SPPL3: variants seen among roughly 807,000 people sequenced by gnomAD.
The protein encoded by SPPL3 is signal peptide peptidase like 3, also known as signal peptide peptidase-like 3.
In SPPL3, 5 loss-of-function variants were observed where a neutral mutation model predicts 42.4. The ratio of observed to expected loss-of-function variants is 0.12; its 90% CI spans 0.06 to 0.25. The LOEUF is 0.25. SPPL3 is among the 10% of genes least tolerant of loss of function. SPPL3 has a pLI of 1.00. For synonymous variants in SPPL3, 195 were observed against 181.8 expected (o/e 1.07, Z -0.58); for missense variants, 235 against 489.0 (o/e 0.48, Z 4.90).
At chr12:120,791,401 G>C in intron 3 of SPPL3, 68 bp downstream of exon 3, 1 of 1,033,038 alleles carries the variant, frequency 9.7e-7, no homozygotes, top group Non-Finnish European at 1.4e-6. Context: ...ATTATTAACT[G>C]GAGGTATAGA....
intron 2 of SPPL3, among the ~76,000 whole-genome samples, chr12:120,802,856 A>G (rs1870362558): frequency 6.6e-6 from 1 of 152,218 alleles, no homozygotes; most frequent in South Asian, 2.1e-4. Flanking sequence ...TAAGATGGTT[A>G]TCTAAACAAC....
At chr12:120,885,645 T>C (rs1339621190) in intron 1 of SPPL3, among the ~76,000 whole-genome samples, 1 of 152,092 alleles carries the variant, frequency 6.6e-6, no homozygotes, top group African/African-American at 2.4e-5. Flanking sequence ...GGAGCACTGA[T>C]CAGCTATCCC....
chr12:120,786,263 T>C (rs139432407), intron 3 of SPPL3, among the ~76,000 whole-genome samples: 1 of 152,296 alleles, frequency 6.6e-6, no homozygotes, highest in East Asian at 1.9e-4. Flanking sequence ...CAAGGATCAC[T>C]TCGGGAAGTG....
chr12:120,782,888 C>T, intron 5 of SPPL3, 121 bp from the exon 6 acceptor site: 1 of 689,946 alleles, frequency 1.4e-6, no homozygotes, highest in Non-Finnish European at 2.5e-6. Context: ...GCTGGAAATC[C>T]AAAATACCCA....
chr12:120,895,051 G>C (rs538408119), intron 1 of SPPL3, among the ~76,000 whole-genome samples: 9 of 152,318 alleles, frequency 5.9e-5, no homozygotes, highest in African/African-American at 1.9e-4. Flanking sequence ...AGCAGGGAAA[G>C]ATGAGGATCA....
At chr12:120,902,265 T>C (rs1151852) in intron 1 of SPPL3, among the ~76,000 whole-genome samples, 37,124 of 152,156 alleles carry the variant, frequency 0.24, 5,628 homozygotes, top group Non-Finnish European at 0.35. Flanking sequence ...AGATTGCACA[T>C]ACATCAATGA....
intron 1 of SPPL3, among the ~76,000 whole-genome samples, chr12:120,827,029 C>A (rs1871248801): frequency 6.6e-6 from 1 of 151,790 alleles, no homozygotes; most frequent in Non-Finnish European, 1.5e-5. Context: ...TGATTTCTAC[C>A]AACCCCGAGA....
At chr12:120,888,773 C>A (rs775193141) in intron 1 of SPPL3, among the ~76,000 whole-genome samples, 1 of 152,288 alleles carries the variant, frequency 6.6e-6, no homozygotes, top group Admixed American at 6.5e-5. Context: ...TAATTGTACA[C>A]TTTAAATGAC....
chr12:120,860,853 G>A lies in SPPL3; in HGVS notation c.23+42992C>T, dbSNP rs991936297. Among the ~76,000 whole-genome samples the A allele has an allele frequency of 1.2e-4, 18 of 152,114 alleles. No homozygotes were observed. In the South Asian group the frequency reaches 1.9e-3, roughly 16 times the overall value. On this transcript the variant is annotated intron_variant, in intron 1 of 10. Coordinates refer to ENST00000353487, the MANE Select transcript of SPPL3 (RefSeq NM_139015.5). Reference sequence around the variant, plus strand: ...AACTACAGTCCTCCCTATCTTTGGGGGACTGGTTCCAGGACAACCCCCTAC... The same window carrying A: ...AACTACAGTCCTCCCTATCTTTGGGAGACTGGTTCCAGGACAACCCCCTAC...
At chr12:120,899,888 CAAAAA>C (rs34814522) in intron 1 of SPPL3, among the ~76,000 whole-genome samples, 1 of 71,704 alleles carries the variant, frequency 1.4e-5, no homozygotes, top group Non-Finnish European at 2.4e-5. Flanking sequence ...GACCCTGTCT[CAAAAA>C]AAAAAAAAAA....
chr12:120,851,441 A>AT (rs55788448), intron 1 of SPPL3, among the ~76,000 whole-genome samples: 1 of 150,210 alleles, frequency 6.7e-6, no homozygotes, highest in African/African-American at 2.4e-5. Context: ...AATCTCAGTC[A>AT]TTTTTTTTTT....
chr12:120,810,847 A>C lies in SPPL3; in HGVS notation c.63T>G (p.Phe21Leu). 6.2e-7 allele frequency: 1 copy of C among 1,613,322 alleles called. No homozygotes were observed. The highest frequency in any genetic ancestry group is 8.5e-7 in the Non-Finnish European group (1 of 1,179,326). The change falls in exon 2 of 11, where the codon TTT (phenylalanine) becomes TTG (leucine). Residue 21 changes from phenylalanine to leucine, a missense_variant. Physicochemically the swap from Phe to Leu is conservative, Grantham distance 22. Around this residue, in one of 6 missense-constraint regions of SPPL3, gnomAD observed 110 missense variants for 186.2 expected, o/e 0.59. Coordinates refer to ENST00000353487, the MANE Select transcript of SPPL3 (RefSeq NM_139015.5). ...SLVDSSQVST[F>L]LISILLIVYG... is the part of the protein sequence containing the mutation. The stretch of plus-strand genomic sequence containing the variant: ...AGACTATAAGAAGAATGGAAATCAG[A>C]AATGTAGACACTTGACTGGAATCCA...
chr12:120,826,313 A>C (rs934804986), intron 1 of SPPL3, among the ~76,000 whole-genome samples: 2 of 145,478 alleles, frequency 1.4e-5, no homozygotes, highest in African/African-American at 5.1e-5. Flanking sequence ...AAAAAAAAAG[A>C]AAGCAGGGCA....
intron 2 of SPPL3, among the ~76,000 whole-genome samples, chr12:120,802,397 ATG>A (rs71453508): frequency 0.07 from 8,285 of 118,886 alleles, 455 homozygotes; most frequent in African/African-American, 0.13. Flanking sequence ...ATACACATAT[ATG>A]TGTGTGTGTG....
chr12:120,816,497 T>A (rs914181046), intron 1 of SPPL3, among the ~76,000 whole-genome samples: 1 of 152,224 alleles, frequency 6.6e-6, no homozygotes, highest in Non-Finnish European at 1.5e-5. Context: ...ATTCAAACTA[T>A]CATTATAAAA....
At chr12:120,892,858 T>C (rs1873684315) in intron 1 of SPPL3, among the ~76,000 whole-genome samples, 1 of 151,364 alleles carries the variant, frequency 6.6e-6, no homozygotes, top group Non-Finnish European at 1.5e-5. Context: ...GGCAGGCGCC[T>C]GTAGTCCCAG....
chr12:120,801,383 C>G (rs1870288235), intron 2 of SPPL3, among the ~76,000 whole-genome samples: 1 of 152,106 alleles, frequency 6.6e-6, no homozygotes, highest in Non-Finnish European at 1.5e-5. Context: ...CTCATTCTTT[C>G]TGTAACCTCA....
chr12:120,892,172 C>T (rs946453233), intron 1 of SPPL3, among the ~76,000 whole-genome samples: 1 of 152,284 alleles, frequency 6.6e-6, no homozygotes. Context: ...AATTTCACCC[C>T]TAAAATATTC....
intron 1 of SPPL3, among the ~76,000 whole-genome samples, chr12:120,888,726 A>T (rs968996730): frequency 1.3e-5 from 2 of 152,228 alleles, no homozygotes; most frequent in African/African-American, 4.8e-5. Context: ...GATTGTGGTG[A>T]CGACTGCCCA....
Sources: allele counts gnomAD v4.1 joint callset (sites outside exome capture counted in the v4.1 genomes callset), GRCh38; gene constraint gnomAD v4.1.1; regional missense constraint gnomAD v4.1.1; transcripts MANE v1.5; gene names NCBI Gene and HGNC (gene_info 2026-07-23, HGNC 2026-07-21).